Variants in SPG21 observed in about 807,000 individuals in gnomAD.
SPG21 encodes SPG21 abhydrolase domain containing, maspardin.
In SPG21, 26 loss-of-function variants were observed where a neutral mutation model predicts 38.9. The observed-to-expected ratio is 0.67, with a 90% CI of 0.49 to 0.93. The LOEUF is 0.93. Among genes scored for constraint, SPG21 ranks in the 40% least tolerant of loss-of-function variants. The pLI is 0.00. For synonymous variants in SPG21, 136 were observed against 128.9 expected, an observed-to-expected ratio of 1.05 and a Z score of -0.37; for missense variants, 333 against 376.5, an observed-to-expected ratio of 0.88 and a Z score of 0.96.
At chr15:64,986,558 G>A (rs1451973900) in intron 1 of SPG21, among the ~76,000 whole-genome samples, 1 of 151,222 alleles carries the variant, frequency 6.6e-6, no homozygotes, top group Non-Finnish European at 1.5e-5. Context: ...GCATGGCAGT[G>A]GCCGCCTGTA....
At chr15:64,987,331 A>T (rs1386318797) in intron 1 of SPG21, 1 of 152,238 alleles carries the variant, frequency 6.6e-6, no homozygotes, top group African/African-American at 2.4e-5. Flanking sequence ...GGTAAAATGG[A>T]TACCAAATGT....
chr15:64,964,243 C>G (rs749997987), intron 8 of SPG21, among the ~76,000 whole-genome samples: 3 of 152,212 alleles, frequency 2.0e-5, no homozygotes, highest in Admixed American at 6.5e-5. Context: ...TTGTTCCTCA[C>G]TCCCTGAGCA....
intron 5 of SPG21, among the ~76,000 whole-genome samples, chr15:64,971,876 T>C (rs749374326): frequency 5.3e-5 from 8 of 152,178 alleles, no homozygotes; most frequent in Non-Finnish European, 1.0e-4. Flanking sequence ...CTTGCTCTGT[T>C]GCCCAGGCTG....
intron 3 of SPG21, among the ~76,000 whole-genome samples, chr15:64,980,490 GCA>G (rs1425798353): frequency 6.6e-6 from 1 of 152,124 alleles, no homozygotes; most frequent in Non-Finnish European, 1.5e-5. Context: ...TGTAATCTCA[GCA>G]CTTTGCGAGG....
chr15:64,988,050 A>G (rs2086032225), intron 1 of SPG21, among the ~76,000 whole-genome samples: 1 of 151,800 alleles, frequency 6.6e-6, no homozygotes, highest in East Asian at 1.9e-4. Flanking sequence ...AACAAACAAA[A>G]CAGCAACAAC....
intron 5 of SPG21, among the ~76,000 whole-genome samples, chr15:64,970,957 G>A (rs1022223415): frequency 6.6e-6 from 1 of 151,936 alleles, no homozygotes; most frequent in South Asian, 2.1e-4. Flanking sequence ...CCAGACTGGT[G>A]GTGAACTCCT....
chr15:64,988,424 C>G (rs1424332211), intron 1 of SPG21, among the ~76,000 whole-genome samples: 2 of 152,144 alleles, frequency 1.3e-5, no homozygotes, highest in African/African-American at 4.8e-5. Flanking sequence ...AAAATCTGTG[C>G]TTATAAATAC....
intron 7 of SPG21, among the ~76,000 whole-genome samples, chr15:64,967,338 T>G (rs79514986): frequency 0.91 from 137,792 of 152,100 alleles, 63,537 homozygotes; most frequent in East Asian, 1. Context: ...TTTTGACAGG[T>G]TCTCACTCTG....
chr15:64,965,470 A>C lies in SPG21; in HGVS notation c.670-10T>G, dbSNP rs773703012. On this transcript the variant is annotated splice_polypyrimidine_tract_variant and intron_variant, in intron 7 of 8. Transcript: ENST00000204566. Reference sequence around the variant, plus strand: ...CACTCTGATCAAACACCTTTAAAAAACACAAAGCTTCAGCACCATAGGAAA... The same window carrying C: ...CACTCTGATCAAACACCTTTAAAAACCACAAAGCTTCAGCACCATAGGAAA... The C allele has an allele frequency of 1.2e-6, 2 of 1,614,192 alleles. No individual in the cohort carries two copies. The highest frequency in any genetic ancestry group is 4.5e-5 in the East Asian group (2 of 44,880).
chr15:64,967,090 T>C (rs2085554188), intron 7 of SPG21, among the ~76,000 whole-genome samples: 1 of 151,902 alleles, frequency 6.6e-6, no homozygotes, highest in Admixed American at 6.6e-5. Flanking sequence ...ATAGAGAAAC[T>C]GGAATCTTTG....
chr15:64,980,755 AC>A, intron 3 of SPG21, 108 bp downstream of exon 3: 2 of 1,294,202 alleles, frequency 1.5e-6, no homozygotes, highest in Non-Finnish European at 2.2e-6. Context: ...AAACAAACAA[AC>A]AAACAAACAA....
Position 64,965,574 on chromosome 15 carries a change from A to C in SPG21, c.670-114T>G, listed in dbSNP as rs1595866289. 5 of 1,486,234 alleles carry C rather than the reference A, an allele frequency of 3.4e-6. No homozygotes were observed. The South Asian group carries it at 5.8e-5, about 17-fold the overall frequency. The allele number at this position is 1,486,234 out of a possible 1,614,324, so 92.1% of individuals were successfully genotyped here. ...GTTCTTTTCACATTATGGAAATGTTACCCTAAGTATTCCTTTCATATGAAG... is the reference window on the plus strand; with the variant it reads ...GTTCTTTTCACATTATGGAAATGTTCCCCTAAGTATTCCTTTCATATGAAG... On this transcript the variant is annotated intron_variant, in intron 7 of 8. Transcript: ENST00000204566.
intron 2 of SPG21, chr15:64,981,286 CTCCTTT>C: frequency 5.0e-6 from 2 of 399,334 alleles, no homozygotes; most frequent in South Asian, 5.1e-5. Flanking sequence ...CTTCCCCCTC[CTCCTTT>C]TTTTTTTTTT....
intron 1 of SPG21, chr15:64,989,407 C>T (rs1322475578): frequency 6.6e-6 from 1 of 152,078 alleles, no homozygotes; most frequent in Non-Finnish European, 1.5e-5. Context: ...GAGACTCACA[C>T]ACAGCTCCCC....
intron 3 of SPG21, among the ~76,000 whole-genome samples, chr15:64,977,724 C>T (rs1468139861): frequency 6.6e-6 from 1 of 151,854 alleles, no homozygotes; most frequent in Non-Finnish European, 1.5e-5. Flanking sequence ...TGGTACTTGA[C>T]TATACGTAGC....
Position 64,970,114 on chromosome 15 carries a change from C to G in SPG21, c.561G>C (p.Arg187Ser), listed in dbSNP as rs2085632000. The change falls in exon 6 of 9, where the codon AGG (arginine) becomes AGC (serine). Residue 187 changes from arginine (R) to serine (S), a missense_variant and splice_region_variant. By Grantham distance (110) the Arg-to-Ser change is moderately radical. Transcript: ENST00000204566. ...MADAIDFMVD[R>S]LESLGQSELA... ...CCCAACCCAATGTCATGATCCTTAC[C>G]CTGTCTACCATGAAATCAATGGCAT... is the stretch of plus-strand genomic sequence containing the variant. 6.2e-7 allele frequency: 1 copy of G among 1,611,520 alleles called. No homozygotes were observed.
chr15:64,986,705 CAAAACAAAAAACAAA>C (rs1186731377), intron 1 of SPG21, among the ~76,000 whole-genome samples: 14 of 144,846 alleles, frequency 9.7e-5, no homozygotes, highest in African/African-American at 3.5e-4. Context: ...CAAAACAAAA[CAAAACAAAAAACAAA>C]AAAACAAAAA....
chr15:64,985,571 A>T (rs950480725), intron 1 of SPG21, among the ~76,000 whole-genome samples: 3 of 152,318 alleles, frequency 2.0e-5, no homozygotes, highest in Middle Eastern at 6.8e-3. Flanking sequence ...ACCAGGAAGG[A>T]TTCAAATATT....
At chr15:64,968,786 C>A (rs2085600951) in intron 7 of SPG21, among the ~76,000 whole-genome samples, 1 of 152,148 alleles carries the variant, frequency 6.6e-6, no homozygotes, top group Non-Finnish European at 1.5e-5. Context: ...TTGTGAAGCA[C>A]CTTCTCTTTG....
Sources: allele counts gnomAD v4.1 joint callset (sites outside exome capture counted in the v4.1 genomes callset), GRCh38; gene constraint gnomAD v4.1.1; transcripts MANE v1.5; gene names NCBI Gene and HGNC (gene_info 2026-07-23, HGNC 2026-07-21).